Variants in OXR1 observed in about 807,000 individuals in gnomAD.
OXR1 encodes oxidation resistance protein 1.
OXR1 carries 41 observed loss-of-function variants against 104.6 expected under a neutral mutation model. The observed-to-expected ratio is 0.39, with a 90% CI of 0.31 to 0.51. The LOEUF is 0.51. OXR1 is among the 20% of genes least tolerant of loss of function. The pLI, the probability that OXR1 is intolerant of heterozygous loss-of-function variation, is 0.77. For missense variants in OXR1, 955 were observed against 1,031.9 expected (o/e 0.93, Z 1.02); for synonymous variants, 348 against 348.4 (o/e 1.00, Z 0.01).
At chr8:106,370,668 T>C (rs1248034395) in intron 2 of OXR1, among the ~76,000 whole-genome samples, 2 of 152,222 alleles carry the variant, frequency 1.3e-5, no homozygotes, top group Non-Finnish European at 2.9e-5. Flanking sequence ...TGTGATTTTG[T>C]CTTTGGTTCT....
intron 2 of OXR1, among the ~76,000 whole-genome samples, chr8:106,475,161 A>T (rs1396764023): frequency 6.6e-6 from 1 of 151,864 alleles, no homozygotes; most frequent in African/African-American, 2.4e-5. Context: ...TCCATGTAAG[A>T]CTTTTGACTC....
At position 106,704,358 on chromosome 8, in the gene OXR1, CTTTTCTTTCT is replaced by C. The variant is rs1385920262; in HGVS notation, c.860+1277_860+1286del. Among the ~76,000 whole-genome samples, 60 of 141,236 alleles carry C rather than the reference CTTTTCTTTCT, an allele frequency of 4.2e-4. No homozygotes were observed. The East Asian group carries it at 1.0e-2, about 24-fold the overall frequency. The allele number at this position is 141,236 out of a possible 152,430, so 92.7% of individuals were successfully genotyped here. ...TCATTGGTGAGATTCTGTTGTCCTC[CTTTTCTTTCT>C]TTTTCTTTTTCTTTCTTTCTTCTTC... On this transcript the variant is annotated intron_variant, in intron 8 of 16. Coordinates refer to ENST00000517566, the MANE Select transcript of OXR1 (RefSeq NM_001198533.2).
At chr8:106,324,994 C>G (rs1355035909) in intron 1 of OXR1, among the ~76,000 whole-genome samples, 3 of 152,036 alleles carry the variant, frequency 2.0e-5, no homozygotes, top group Admixed American at 1.3e-4. Flanking sequence ...TTCATAATTC[C>G]TGCTAATAGT....
chr8:106,383,542 GT>G, intron 2 of OXR1, among the ~76,000 whole-genome samples: 1 of 152,154 alleles, frequency 6.6e-6, no homozygotes, highest in East Asian at 1.9e-4. Context: ...TTTTGCATGT[GT>G]TTGATTAAAA....
chr8:106,495,587 C>T (rs1310007088), intron 2 of OXR1, among the ~76,000 whole-genome samples: 1 of 152,122 alleles, frequency 6.6e-6, no homozygotes, highest in African/African-American at 2.4e-5. Context: ...CCAAAATTTG[C>T]TGAAATTATG....
At chr8:106,313,603 A>G (rs1273541550) in intron 1 of OXR1, among the ~76,000 whole-genome samples, 4 of 150,084 alleles carry the variant, frequency 2.7e-5, no homozygotes, top group Non-Finnish European at 5.9e-5. Context: ...CTGTTTTGTG[A>G]TGAGGAAGAA....
At chr8:106,278,703 C>T (rs1284400287) in intron 1 of OXR1, among the ~76,000 whole-genome samples, 1 of 152,098 alleles carries the variant, frequency 6.6e-6, no homozygotes, top group Non-Finnish European at 1.5e-5. Flanking sequence ...TCATACATCA[C>T]ATATTAAGCA....
At chr8:106,602,608 T>A (rs948807405) in intron 3 of OXR1, among the ~76,000 whole-genome samples, 1 of 152,140 alleles carries the variant, frequency 6.6e-6, no homozygotes, top group Non-Finnish European at 1.5e-5. Flanking sequence ...GAAGATGGTG[T>A]TCAGTTTTAT....
chr8:106,616,922 G>A (rs1287863919), intron 3 of OXR1, among the ~76,000 whole-genome samples: 1 of 152,094 alleles, frequency 6.6e-6, no homozygotes, highest in Non-Finnish European at 1.5e-5. Flanking sequence ...TGTGATCTCT[G>A]CCCTCAAATA....
intron 1 of OXR1, among the ~76,000 whole-genome samples, chr8:106,355,915 G>GA (rs1013174991): frequency 6.6e-6 from 1 of 151,976 alleles, no homozygotes; most frequent in Admixed American, 6.5e-5. Context: ...CCCTGTCAAA[G>GA]AAAAAATGCA....
intron 2 of OXR1, among the ~76,000 whole-genome samples, chr8:106,412,988 A>T (rs1352241123): frequency 6.6e-6 from 1 of 152,142 alleles, no homozygotes; most frequent in Non-Finnish European, 1.5e-5. Context: ...GATGAATACC[A>T]TATGAATTTT....
chr8:106,726,370 G>GA (rs1833348142), intron 11 of OXR1: 2 of 875,682 alleles, frequency 2.3e-6, no homozygotes, highest in Admixed American at 3.2e-5. Flanking sequence ...GTGACATTAT[G>GA]AAAAATTATA....
At chr8:106,437,753 A>G (rs1819635582) in intron 2 of OXR1, among the ~76,000 whole-genome samples, 2 of 152,116 alleles carry the variant, frequency 1.3e-5, no homozygotes, top group Non-Finnish European at 1.5e-5. Flanking sequence ...AATGCAATAG[A>G]GTTTTTCATA....
chr8:106,720,786 C>T (rs1832759632), intron 11 of OXR1: 2 of 630,046 alleles, frequency 3.2e-6, no homozygotes, highest in Admixed American at 6.3e-5. Flanking sequence ...CAACTTTGTC[C>T]ATCAAATACC....
intron 2 of OXR1, among the ~76,000 whole-genome samples, chr8:106,374,816 G>A (rs956367105): frequency 1.3e-5 from 2 of 152,160 alleles, no homozygotes; most frequent in Non-Finnish European, 2.9e-5. Flanking sequence ...ATAGCAGAAG[G>A]CTGAGGTTCT....
At chr8:106,535,114 C>T (rs908417462) in intron 3 of OXR1, among the ~76,000 whole-genome samples, 4 of 152,166 alleles carry the variant, frequency 2.6e-5, no homozygotes, top group Non-Finnish European at 5.9e-5. Context: ...AGGCACCCGC[C>T]ACCACACCCG....
chr8:106,321,834 G>A (rs1183192883), intron 1 of OXR1, among the ~76,000 whole-genome samples: 1 of 152,174 alleles, frequency 6.6e-6, no homozygotes, highest in African/African-American at 2.4e-5. Flanking sequence ...GATGTTTGAT[G>A]TTGGAAAAAC....
intron 2 of OXR1, among the ~76,000 whole-genome samples, chr8:106,441,368 C>A (rs376094070): frequency 2.6e-5 from 4 of 152,010 alleles, no homozygotes; most frequent in African/African-American, 7.2e-5. Context: ...TCCAGCTTTG[C>A]TCTTTTTGCT....
chr8:106,657,901 G>A (rs867410934), intron 3 of OXR1: 615 of 1,246,266 alleles, frequency 4.9e-4, no homozygotes, highest in Middle Eastern at 1.3e-3. Context: ...CAGGTCTGAT[G>A]GGCCGGTGGG....
Sources: gnomAD v4.1 joint callset for allele counts (sites outside exome capture counted in the v4.1 genomes callset) on GRCh38, gnomAD v4.1.1 for gene constraint, MANE v1.5 for transcripts, NCBI Gene and HGNC (gene_info 2026-07-23, HGNC 2026-07-21) for gene names.